PPP1R12B: variants seen among roughly 807,000 people sequenced by gnomAD.
PPP1R12B encodes myosin phosphatase target subunit 2.
A neutral mutation model predicts 126.1 loss-of-function variants in PPP1R12B; 76 were observed. The ratio of observed to expected loss-of-function variants is 0.60; its 90% CI spans 0.50 to 0.73. The LOEUF is 0.73. Ranked by LOEUF, PPP1R12B falls within the 30% of genes least tolerant of loss-of-function variation. The pLI is 0.00. For synonymous variants in PPP1R12B, 356 were observed against 434.7 expected (o/e 0.82, Z 2.25); for missense variants, 1,052 against 1,205.1 (o/e 0.87, Z 1.88).
chr1:202,496,535 G>T (rs1460733836), intron 17 of PPP1R12B, among the ~76,000 whole-genome samples: 2 of 152,216 alleles, frequency 1.3e-5, no homozygotes, highest in East Asian at 1.9e-4. Context: ...TGTCTTGTCT[G>T]TCTGTCTTAA....
chr1:202,444,916 C>A (rs1672054700), intron 12 of PPP1R12B: 4 of 729,334 alleles, frequency 5.5e-6, no homozygotes, highest in South Asian at 1.5e-4. Flanking sequence ...GATCACTTCA[C>A]TTCCCAGTTG....
intron 13 of PPP1R12B, among the ~76,000 whole-genome samples, chr1:202,464,849 T>C (rs1480559972): frequency 2.0e-5 from 3 of 152,176 alleles, no homozygotes; most frequent in African/African-American, 7.2e-5. Flanking sequence ...AGACATCAAA[T>C]GTACACATAG....
At chr1:202,567,868 A>G (rs1371356400) in intron 22 of PPP1R12B, 37 bp downstream of exon 22, 1 of 1,606,666 alleles carries the variant, frequency 6.2e-7, no homozygotes, top group African/African-American at 1.3e-5. Context: ...ACCCCATTTC[A>G]TCTCTTCTTT....
intron 1 of PPP1R12B, among the ~76,000 whole-genome samples, chr1:202,397,995 T>A (rs1370842645): frequency 1.3e-5 from 2 of 152,208 alleles, no homozygotes; most frequent in African/African-American, 4.8e-5. Flanking sequence ...CACTGCAACC[T>A]CCACCTCCTG....
intron 8 of PPP1R12B, among the ~76,000 whole-genome samples, chr1:202,433,508 C>T (rs1198216999): frequency 6.6e-6 from 1 of 152,164 alleles, no homozygotes; most frequent in Non-Finnish European, 1.5e-5. Context: ...CATAGTCTGG[C>T]CTTCAGGACT....
chr1:202,507,869 T>C (rs1419239938), intron 18 of PPP1R12B, among the ~76,000 whole-genome samples: 5 of 152,244 alleles, frequency 3.3e-5, no homozygotes, highest in African/African-American at 4.8e-5. Flanking sequence ...GCCTTAACCA[T>C]GGCTTAGGCT....
In PPP1R12B at chr1:202,548,614, T is replaced by A. The variant is rs553435604; in HGVS notation, c.2491-10263T>A. Among the ~76,000 whole-genome samples the A allele has an allele frequency of 2.6e-5, 4 of 152,074 alleles. No individual in the cohort carries two copies. In the East Asian group the frequency reaches 7.7e-4, roughly 29 times the overall value. On this transcript the variant is annotated intron_variant, in intron 18 of 23. Coordinates refer to ENST00000608999, the MANE Select transcript of PPP1R12B (RefSeq NM_002481.4). ...TGCTGGGCTTACAGGTGTGAGCCAC[T>A]GTGCCCAGCCAAAGTCAGAATTTTA...
rs1175042362 is a variant in PPP1R12B at position 202,592,036 on chromosome 1, G to C, written c.*11476G>C. 6.5e-6 allele frequency: 1 copy of C among 152,866 alleles called. No individual in the cohort carries two copies. Among genetic ancestry groups the C allele is most frequent in the East Asian group, 1.9e-4 (1 of 5,194 alleles). 9.5% of individuals were successfully genotyped at this position (152,866 alleles called of 1,614,324 possible). On this transcript the variant is annotated 3_prime_UTR_variant, in exon 24 of 24. Transcript: ENST00000608999. ...AGGGAGCAGGAGGGAGTGACAACAG[G>C]TGAGCCCTTCAGAAGTGGTCTGTGG... is the stretch of plus-strand genomic sequence containing the variant.
At chr1:202,403,510 C>G (rs1272225827) in intron 1 of PPP1R12B, among the ~76,000 whole-genome samples, 1 of 152,168 alleles carries the variant, frequency 6.6e-6, no homozygotes, top group Non-Finnish European at 1.5e-5. Context: ...CCTCAATTCC[C>G]CTGTTGTGTG....
chr1:202,468,711 T>G (rs1421577379), intron 13 of PPP1R12B, among the ~76,000 whole-genome samples: 1 of 152,152 alleles, frequency 6.6e-6, no homozygotes, highest in Non-Finnish European at 1.5e-5. Flanking sequence ...CCCAGCACTT[T>G]GGGAGGCTGA....
At chr1:202,488,033 A>G (rs933563151) in intron 13 of PPP1R12B, among the ~76,000 whole-genome samples, 5 of 152,258 alleles carry the variant, frequency 3.3e-5, no homozygotes, top group African/African-American at 9.6e-5. Context: ...TAAGAGATTA[A>G]CAATAATACT....
intron 18 of PPP1R12B, among the ~76,000 whole-genome samples, chr1:202,545,079 A>G (rs950436560): frequency 6.6e-6 from 1 of 152,236 alleles, no homozygotes; most frequent in African/African-American, 2.4e-5. Flanking sequence ...ACCAATCTGG[A>G]ATCCATTTTT....
At chr1:202,387,230 CTG>C (rs1336794977) in intron 1 of PPP1R12B, among the ~76,000 whole-genome samples, 5 of 152,208 alleles carry the variant, frequency 3.3e-5, no homozygotes, top group African/African-American at 1.2e-4. Flanking sequence ...TTGGCATACT[CTG>C]TCAACAACGT....
intron 1 of PPP1R12B, among the ~76,000 whole-genome samples, chr1:202,395,520 G>A (rs1558173047): frequency 6.6e-6 from 1 of 151,978 alleles, no homozygotes; most frequent in Non-Finnish European, 1.5e-5. Context: ...TCTCATTTTG[G>A]GTGATTTTTC....
intron 1 of PPP1R12B, among the ~76,000 whole-genome samples, chr1:202,386,459 G>A (rs1450570633): frequency 6.6e-6 from 1 of 152,010 alleles, no homozygotes; most frequent in East Asian, 1.9e-4. Context: ...AGCCTCCCAA[G>A]TAGCTGGGAC....
At chr1:202,448,964 C>T (rs769069057) in intron 12 of PPP1R12B, 25 bp from the exon 13 acceptor site, 5 of 1,609,430 alleles carry the variant, frequency 3.1e-6, no homozygotes, top group Middle Eastern at 1.7e-4. Context: ...CATTTCCTTT[C>T]TGCTTGTATC....
At chr1:202,493,716 T>C (rs1679185308) in intron 15 of PPP1R12B, among the ~76,000 whole-genome samples, 1 of 152,212 alleles carries the variant, frequency 6.6e-6, no homozygotes, top group South Asian at 2.1e-4. Flanking sequence ...GAGGTAAATA[T>C]TACTATTTCT....
At chr1:202,437,043 C>A (rs1196093512) in intron 9 of PPP1R12B, among the ~76,000 whole-genome samples, 1 of 152,138 alleles carries the variant, frequency 6.6e-6, no homozygotes, top group African/African-American at 2.4e-5. Flanking sequence ...TAAATTAGCT[C>A]ATTCCTGGCA....
chr1:202,486,298 T>C (rs942628659), intron 13 of PPP1R12B, among the ~76,000 whole-genome samples: 1 of 152,088 alleles, frequency 6.6e-6, no homozygotes, highest in Non-Finnish European at 1.5e-5. Flanking sequence ...TCAATAATTT[T>C]AAAAAATATT....
Sources: gnomAD v4.1 joint callset for allele counts (sites outside exome capture counted in the v4.1 genomes callset) on GRCh38, gnomAD v4.1.1 for gene constraint, MANE v1.5 for transcripts, NCBI Gene and HGNC (gene_info 2026-07-23, HGNC 2026-07-21) for gene names.